Variants in PRELID2 observed in about 807,000 individuals in gnomAD.
PRELID2 encodes PRELI domain containing 2.
A neutral mutation model predicts 28.4 loss-of-function variants in PRELID2; 25 were observed. That is an observed-to-expected ratio of 0.88 (90% CI 0.64 to 1.23). PRELID2 has a LOEUF of 1.23. Among genes scored for constraint, PRELID2 ranks in the 50% most tolerant of loss-of-function variants. PRELID2 has a pLI of 0.00. For synonymous variants in PRELID2, 76 were observed against 71.6 expected (o/e 1.06, Z -0.31); for missense variants, 201 against 214.4 (o/e 0.94, Z 0.39).
intron 1 of PRELID2, among the ~76,000 whole-genome samples, chr5:145,621,923 G>A (rs769286097): frequency 6.6e-5 from 10 of 151,982 alleles, no homozygotes; most frequent in Admixed American, 6.6e-5. Context: ...TTGCATGCAT[G>A]TATTAAAATA....
intron 1 of PRELID2, among the ~76,000 whole-genome samples, chr5:145,706,130 G>T (rs1755540533): frequency 6.6e-6 from 1 of 152,174 alleles, no homozygotes; most frequent in African/African-American, 2.4e-5. Context: ...GTCATAAAGT[G>T]TAGATGAAAG....
intron 1 of PRELID2, among the ~76,000 whole-genome samples, chr5:145,678,138 G>A (rs76563473): frequency 6.6e-6 from 1 of 152,206 alleles, no homozygotes; most frequent in Non-Finnish European, 1.5e-5. Context: ...TTGATGCTGA[G>A]GGTAAAGAGG....
At chr5:145,590,625 G>A (rs1753213887) in intron 1 of PRELID2, among the ~76,000 whole-genome samples, 1 of 152,142 alleles carries the variant, frequency 6.6e-6, no homozygotes, top group Non-Finnish European at 1.5e-5. Context: ...ATTAGTACCA[G>A]TCTTACTAAA....
the PRELID2 span, among the ~76,000 whole-genome samples, chr5:145,392,021 T>G: frequency 6.6e-6 from 1 of 152,124 alleles, no homozygotes; most frequent in African/African-American, 2.4e-5. Flanking sequence ...TTCCCACATT[T>G]TCCTGTCTTC....
At chr5:145,466,834 C>T (rs1015406513), downstream of PRELID2, among the ~76,000 whole-genome samples, 1 of 152,194 alleles carries the variant, frequency 6.6e-6, no homozygotes, top group African/African-American at 2.4e-5. Flanking sequence ...ATTTAGCAAG[C>T]CACACTCAAC....
At chr5:145,248,941 T>A in the PRELID2 span, among the ~76,000 whole-genome samples, 1 of 152,044 alleles carries the variant, frequency 6.6e-6, no homozygotes, top group Non-Finnish European at 1.5e-5. Context: ...ACAGTAAAAA[T>A]TTTCAGTGCC....
the PRELID2 span, among the ~76,000 whole-genome samples, chr5:145,257,187 G>A: frequency 6.6e-6 from 1 of 151,674 alleles, no homozygotes; most frequent in Non-Finnish European, 1.5e-5. Context: ...GTAATGTGTG[G>A]TTTAGAGTGT....
At chr5:145,389,378 C>T in the PRELID2 span, among the ~76,000 whole-genome samples, 1 of 152,266 alleles carries the variant, frequency 6.6e-6, no homozygotes, top group South Asian at 2.1e-4. Flanking sequence ...AACTCATCAC[C>T]TGACACAGAG....
the PRELID2 span, among the ~76,000 whole-genome samples, chr5:145,370,959 T>C: frequency 1.3e-5 from 2 of 152,162 alleles, no homozygotes; most frequent in African/African-American, 4.8e-5. Context: ...TTTTTGCACA[T>C]TGATTTTGAA....
the PRELID2 span, among the ~76,000 whole-genome samples, chr5:145,339,367 G>A: frequency 1.3e-5 from 2 of 152,190 alleles, no homozygotes; most frequent in African/African-American, 4.8e-5. Flanking sequence ...AAGGGTAAGA[G>A]AGGAATATCC....
rs142802784 is a variant in PRELID2, at chr5:145,672,797, C to T, written n.70+92134G>A. On this transcript the variant is annotated intron_variant and non_coding_transcript_variant, in intron 1 of 2. Coordinates refer to the PRELID2 transcript ENST00000510259. The stretch of plus-strand genomic sequence containing the variant: ...CGACCCATCACCATCAATTCCCTAA[C>T]TTTAAAGGAATCTTGATCTTTCCAC... 3.6e-3 allele frequency among the ~76,000 whole-genome samples: 546 copies of T among 152,316 alleles called. 3 individuals carry two copies. Among genetic ancestry groups the T allele is most frequent in the African/African-American group, 0.013 (524 of 41,568 alleles).
exon 3 of PRELID2, chr5:145,471,856 A>G (rs979321045): frequency 3.9e-5 from 6 of 152,172 alleles, no homozygotes; most frequent in Non-Finnish European, 7.4e-5. Context: ...ATTCCCATAG[A>G]ATTGCTGGGA....
chr5:145,234,676 C>G, the PRELID2 span, among the ~76,000 whole-genome samples: 1 of 152,280 alleles, frequency 6.6e-6, no homozygotes, highest in South Asian at 2.1e-4. Context: ...TTTATGCCAT[C>G]TATTCCATGA....
At chr5:145,337,756 CA>C in the PRELID2 span, among the ~76,000 whole-genome samples, 1 of 142,084 alleles carries the variant, frequency 7.0e-6, no homozygotes, top group African/African-American at 2.8e-5. Flanking sequence ...CACACACACA[CA>C]CACACATACA....
At chr5:145,420,451 C>T in the PRELID2 span, among the ~76,000 whole-genome samples, 4 of 149,598 alleles carry the variant, frequency 2.7e-5, no homozygotes, top group Non-Finnish European at 4.5e-5. Context: ...CCTTCACATC[C>T]CTTGTAAGTT....
chr5:145,590,772 C>A (rs781415437), intron 1 of PRELID2, among the ~76,000 whole-genome samples: 2 of 152,078 alleles, frequency 1.3e-5, no homozygotes, highest in African/African-American at 2.4e-5. Context: ...CACATATACT[C>A]CATTTTATGT....
At chr5:145,433,187 C>A in the PRELID2 span, among the ~76,000 whole-genome samples, 1 of 152,068 alleles carries the variant, frequency 6.6e-6, no homozygotes, top group Non-Finnish European at 1.5e-5. Flanking sequence ...ATTAGAAAAC[C>A]AATTCCAGCT....
At chr5:145,502,237 G>A (rs1752365999) in intron 1 of PRELID2, among the ~76,000 whole-genome samples, 1 of 152,092 alleles carries the variant, frequency 6.6e-6, no homozygotes, top group Admixed American at 6.6e-5. Context: ...AGGAGGAAGA[G>A]AGAGAGAGAG....
At chr5:145,388,697 T>C in the PRELID2 span, among the ~76,000 whole-genome samples, 1 of 152,124 alleles carries the variant, frequency 6.6e-6, no homozygotes, top group African/African-American at 2.4e-5. Context: ...CAGGGATTGG[T>C]CCTTAATTTT....
Sources: gnomAD v4.1 joint callset for allele counts (sites outside exome capture counted in the v4.1 genomes callset) on GRCh38, gnomAD v4.1.1 for gene constraint, MANE v1.5 for transcripts, NCBI Gene and HGNC (gene_info 2026-07-23, HGNC 2026-07-21) for gene names.